Variants in UNC80 observed in about 807,000 individuals in gnomAD.
UNC80 encodes protein unc-80 homolog.
Under a neutral mutation model 384.6 loss-of-function variants are expected in UNC80, and 164 were observed. That is an observed-to-expected ratio of 0.43 (90% CI 0.38 to 0.49). The LOEUF (loss-of-function observed/expected upper bound fraction) is 0.49, where lower values mean the gene tolerates loss of function less well. Among genes scored for constraint, UNC80 ranks in the 20% least tolerant of loss-of-function variants. The probability of loss-of-function intolerance (pLI) is 0.00; values close to 1 mark genes in which losing one functional copy is unlikely to be tolerated. For synonymous variants in UNC80, 1,486 were observed against 1,527.8 expected (o/e 0.97, Z 0.64); for missense variants, 3,330 against 4,143.0 (o/e 0.80, Z 5.39).
chr2:209,913,957 T>C lies in UNC80; in HGVS notation c.5029+17T>C. ...GGGCAGCAGGTAAAGAAAGACCACC[T>C]GGAACCCTGTGCCTGCTGCCACTGC... On this transcript the variant is annotated intron_variant, in intron 31 of 64. Coordinates refer to ENST00000673920, the MANE Select transcript of UNC80 (RefSeq NM_001371986.1). 1 of 1,529,384 alleles carries C rather than the reference T, an allele frequency of 6.5e-7. No individual in the cohort carries two copies. The highest frequency in any genetic ancestry group is 8.8e-7 in the Non-Finnish European group (1 of 1,132,178). The allele number at this position is 1,529,384 out of a possible 1,614,324, so 94.7% of individuals were successfully genotyped here. A position where few individuals can be genotyped will look rare whatever the true frequency, so the allele number is the denominator to read the frequency against.
intron 38 of UNC80, among the ~76,000 whole-genome samples, chr2:209,931,365 AC>A (rs35233967): frequency 4.2e-3 from 23 of 5,430 alleles, no homozygotes; most frequent in African/African-American, 0.011. Context: ...CTATGTTTAA[AC>A]ACACACACAC....
At chr2:209,784,304 G>A (rs1012477370) in intron 4 of UNC80, among the ~76,000 whole-genome samples, 4 of 152,094 alleles carry the variant, frequency 2.6e-5, no homozygotes, top group Non-Finnish European at 5.9e-5. Context: ...CAGCCTGAGT[G>A]AACCTATTAA....
At chr2:209,875,108 A>C (rs1237104872) in intron 23 of UNC80, among the ~76,000 whole-genome samples, 1 of 152,090 alleles carries the variant, frequency 6.6e-6, no homozygotes, top group African/African-American at 2.4e-5. Context: ...ACTGTCAGTG[A>C]AAAGATCTTC....
rs139988473 is a variant in UNC80 at position 209,819,509 on chromosome 2, C to A, written c.1962+248C>A. Among the ~76,000 whole-genome samples, 10 of 151,292 alleles carry A rather than the reference C, an allele frequency of 6.6e-5. No individual in the cohort carries two copies. The East Asian group carries it at 2.0e-3, about 30-fold the overall frequency. ...TTATAATCCAAAACCATTAGTGAAT[C>A]CTGAATATACATATATAAATACACA... On this transcript the variant is annotated intron_variant, in intron 12 of 64. Transcript: ENST00000673920.
chr2:209,857,853 G>A (rs1041026321), intron 22 of UNC80, among the ~76,000 whole-genome samples: 43 of 152,050 alleles, frequency 2.8e-4, no homozygotes, highest in Admixed American at 1.2e-3. Flanking sequence ...AAAATCCAGG[G>A]TTTTGTTAGA....
At position 209,852,055 on chromosome 2, in the gene UNC80, G is replaced by A. The variant is rs1228462750; in HGVS notation, c.3627+2432G>A. Among the ~76,000 whole-genome samples, 5 of 152,074 alleles carry A rather than the reference G, an allele frequency of 3.3e-5. No homozygotes were observed. In the East Asian group the frequency reaches 9.6e-4, roughly 29 times the overall value. On this transcript the variant is annotated intron_variant, in intron 22 of 64. Coordinates refer to ENST00000673920, the MANE Select transcript of UNC80 (RefSeq NM_001371986.1). ...GGAGCTTATAAGCAGTGTCTTTTGA[G>A]CCATCAAGTAAAGAGGCATTTTCTC...
rs2093473081 is a variant in UNC80 at position 209,995,645 on chromosome 2, T to G, written c.*50T>G. On this transcript the variant is annotated 3_prime_UTR_variant, in exon 65 of 65. Coordinates refer to ENST00000673920, the MANE Select transcript of UNC80 (RefSeq NM_001371986.1). Reference sequence around the variant, plus strand: ...GTATAGAGAAGACATGAAAGTGATCTCTCTACTACAAGTTCAATACTTTTG... The same window carrying G: ...GTATAGAGAAGACATGAAAGTGATCGCTCTACTACAAGTTCAATACTTTTG... 6.6e-7 allele frequency: 1 copy of G among 1,522,200 alleles called. No individual in the cohort carries two copies. The highest frequency in any genetic ancestry group is 1.4e-5 in the African/African-American group (1 of 72,022). The allele number at this position is 1,522,200 out of a possible 1,614,324, so 94.3% of individuals were successfully genotyped here.
chr2:209,916,209 G>C (rs1366074556), intron 31 of UNC80, among the ~76,000 whole-genome samples: 1 of 152,066 alleles, frequency 6.6e-6, no homozygotes, highest in African/African-American at 2.4e-5. Flanking sequence ...GAGAGGGTCA[G>C]TAGAGAAGAA....
intron 13 of UNC80, among the ~76,000 whole-genome samples, chr2:209,825,039 A>T (rs937864439): frequency 2.6e-5 from 4 of 152,170 alleles, no homozygotes; most frequent in African/African-American, 7.2e-5. Context: ...CTTATCTAAC[A>T]TCATATGTGG....
chr2:209,898,621 G>T (rs556902584), intron 28 of UNC80, among the ~76,000 whole-genome samples: 2 of 152,202 alleles, frequency 1.3e-5, no homozygotes. Context: ...TTGTGTTACA[G>T]ACAATCCAAT....
intron 54 of UNC80, among the ~76,000 whole-genome samples, 190 bp from the exon 55 acceptor site, chr2:209,972,011 T>TCAATTATATCAAGA (rs1193170054): frequency 6.6e-6 from 1 of 152,204 alleles, no homozygotes; most frequent in Non-Finnish European, 1.5e-5. Flanking sequence ...TGTATAGCTC[T>TCAATTATATCAAGA]CAATTATATC....
rs554657953 is a variant in UNC80, at chr2:209,931,063, T to C, written c.5994+9T>C. ...TCCTATTCAACTATTTGGTGAGTTA[T>C]AAATGTTCATTTCCAATTACGAAGC... is the stretch of plus-strand genomic sequence containing the variant. On this transcript the variant is annotated intron_variant, in intron 38 of 64. Transcript: ENST00000673920. 3 of 1,533,350 alleles carry C rather than the reference T, an allele frequency of 2.0e-6. No homozygotes were observed. Among genetic ancestry groups the C allele is most frequent in the African/African-American group, 2.8e-5 (2 of 72,672 alleles). The allele number at this position is 1,533,350 out of a possible 1,614,324, so 95.0% of individuals were successfully genotyped here. A position where few individuals can be genotyped will look rare whatever the true frequency, so the allele number is the denominator to read the frequency against.
rs376345320 is a variant in UNC80 at position 209,777,241 on chromosome 2, G to A, written c.299-17G>A. 5 of 1,559,022 alleles carry A rather than the reference G, an allele frequency of 3.2e-6. No individual in the cohort carries two copies. The African/African-American group carries it at 6.9e-5, about 21-fold the overall frequency. ...ACAGAGTTTTTCTTAACCTGCCTGT[G>A]TAATTGTCCCATGCAGGCCACCAGG... On this transcript the variant is annotated splice_polypyrimidine_tract_variant and intron_variant, in intron 3 of 64. Coordinates refer to ENST00000673920, the MANE Select transcript of UNC80 (RefSeq NM_001371986.1).
Position 209,771,953 on chromosome 2 carries a change from A to G in UNC80, c.-120A>G. 1.4e-6 allele frequency: 1 copy of G among 720,742 alleles called. No homozygotes were observed. Among genetic ancestry groups the G allele is most frequent in the Admixed American group, 2.1e-5 (1 of 48,248 alleles). The allele number at this position is 720,742 out of a possible 1,614,324, so 44.6% of individuals were successfully genotyped here. On this transcript the variant is annotated 5_prime_UTR_variant, in exon 1 of 65. Transcript: ENST00000673920. The stretch of plus-strand genomic sequence containing the variant: ...AGGCACGGGGGATCAGGGCGGAGAG[A>G]GCCGGCTCTGCCTCGGGGAAGGAGG...
rs748122041 is a variant in UNC80 at position 209,793,890 on chromosome 2, T to G, written c.938+31T>G. On this transcript the variant is annotated intron_variant, in intron 7 of 64. Coordinates refer to ENST00000673920, the MANE Select transcript of UNC80 (RefSeq NM_001371986.1). ...TGATTGCAATGTTAGGGACAAAATG[T>G]GTCACTGGTCACCAAAAATCAAATA... The G allele has an allele frequency of 3.1e-6, 5 of 1,609,982 alleles. No individual in the cohort carries two copies. The Admixed American group carries it at 8.4e-5, about 27-fold the overall frequency.
intron 56 of UNC80, among the ~76,000 whole-genome samples, 171 bp downstream of exon 56, chr2:209,973,441 C>T (rs1361467565): frequency 6.6e-6 from 1 of 152,098 alleles, no homozygotes; most frequent in Non-Finnish European, 1.5e-5. Flanking sequence ...TTAAAGAGAC[C>T]TCAATCCAGA....
At chr2:209,932,573 C>T (rs1050716092) in intron 38 of UNC80, among the ~76,000 whole-genome samples, 1 of 152,210 alleles carries the variant, frequency 6.6e-6, no homozygotes, top group African/African-American at 2.4e-5. Flanking sequence ...CTCCTCCATC[C>T]TTTAGCTCCG....
Position 209,967,476 on chromosome 2 carries a change from A to T in UNC80, c.7845A>T (p.Pro2615=), listed in dbSNP as rs771328908. Residue 2615 remains proline, a synonymous_variant, in exon 52 of 65, where the codon CCA becomes CCT. Transcript: ENST00000673920. The part of the protein sequence containing the change: ...EIAHSLLKLA[P]YDTQTMESRG... The stretch of plus-strand genomic sequence containing the variant: ...CACACTCCCTTCTGAAGCTGGCACC[A>T]TATGACACTCAGACAATGGAGAGTC... 1 of 1,551,518 alleles carries T rather than the reference A, an allele frequency of 6.4e-7. No homozygotes were observed. Among genetic ancestry groups the T allele is most frequent in the Non-Finnish European group, 8.7e-7 (1 of 1,146,968 alleles).
At chr2:209,937,874 A>G (rs1162993887) in intron 42 of UNC80, among the ~76,000 whole-genome samples, 1 of 152,180 alleles carries the variant, frequency 6.6e-6, no homozygotes, top group African/African-American at 2.4e-5. Flanking sequence ...AGTATAAATA[A>G]TAGAAATCTC....
Sources: gnomAD v4.1 joint callset for allele counts (sites outside exome capture counted in the v4.1 genomes callset) on GRCh38, gnomAD v4.1.1 for gene constraint, MANE v1.5 for transcripts, NCBI Gene and HGNC (gene_info 2026-07-23, HGNC 2026-07-21) for gene names.